MRPS35: variants seen among roughly 807,000 people sequenced by gnomAD.
The protein encoded by MRPS35 is small ribosomal subunit protein mS35.
Under a neutral mutation model 32.7 loss-of-function variants are expected in MRPS35, and 29 were observed. That is an observed-to-expected ratio of 0.89 (90% CI 0.66 to 1.21). The LOEUF (loss-of-function observed/expected upper bound fraction) is 1.21, where lower values mean the gene tolerates loss of function less well. MRPS35 is among the 50% of genes most tolerant of loss of function. The pLI is 0.00. For missense variants in MRPS35, 373 were observed against 383.8 expected (o/e 0.97, Z 0.23); for synonymous variants, 148 against 139.3 (o/e 1.06, Z -0.44).
intron 7 of MRPS35, among the ~76,000 whole-genome samples, chr12:27,749,643 A>G (rs1472174864): frequency 1.3e-5 from 2 of 152,006 alleles, no homozygotes; most frequent in Admixed American, 6.6e-5. Context: ...GGTTTGTGGA[A>G]CCCCTTACTC....
chr12:27,717,748 G>A (rs998652318), intron 3 of MRPS35, among the ~76,000 whole-genome samples: 1 of 152,070 alleles, frequency 6.6e-6, no homozygotes, highest in Admixed American at 6.6e-5. Flanking sequence ...AGAGAGTAGC[G>A]GTATATTTGC....
intron 4 of MRPS35, among the ~76,000 whole-genome samples, chr12:27,721,556 G>A (rs1296615074): frequency 6.6e-6 from 1 of 152,140 alleles, no homozygotes; most frequent in South Asian, 2.1e-4. Flanking sequence ...CTACTCGGGG[G>A]CCTGAGGCAG....
At chr12:27,736,793 A>G (rs985066881) in intron 6 of MRPS35, among the ~76,000 whole-genome samples, 3 of 152,238 alleles carry the variant, frequency 2.0e-5, no homozygotes, top group African/African-American at 2.4e-5. Flanking sequence ...ACAGCATTGT[A>G]TAGTGTAACT....
At chr12:27,738,876 A>C (rs934833367) in intron 7 of MRPS35, among the ~76,000 whole-genome samples, 6 of 152,116 alleles carry the variant, frequency 3.9e-5, no homozygotes, top group Non-Finnish European at 8.8e-5. Context: ...AGGTAGCGAC[A>C]ATAGTAAGAC....
intron 2 of MRPS35, 59 bp from the exon 3 acceptor site, chr12:27,716,232 C>G: frequency 7.2e-7 from 1 of 1,398,290 alleles, no homozygotes; most frequent in Non-Finnish European, 9.5e-7. Context: ...AATTAAAATT[C>G]TTTAAGAATT....
At chr12:27,744,198 G>A (rs998697354) in intron 7 of MRPS35, among the ~76,000 whole-genome samples, 19 of 152,064 alleles carry the variant, frequency 1.2e-4, no homozygotes, top group Non-Finnish European at 2.6e-4. Flanking sequence ...TGTATGTTTT[G>A]TTTTTCTAAC....
chr12:27,722,822 A>G (rs2061882223), intron 4 of MRPS35, among the ~76,000 whole-genome samples: 1 of 152,232 alleles, frequency 6.6e-6, no homozygotes, highest in Non-Finnish European at 1.5e-5. Context: ...TTAGTCCCAG[A>G]TATCAGAGAG....
intron 4 of MRPS35, among the ~76,000 whole-genome samples, chr12:27,722,435 C>CT (rs1342060579): frequency 6.6e-6 from 1 of 151,816 alleles, no homozygotes. Context: ...ATTTGGCTGT[C>CT]TTTTTTTAGA....
chr12:27,722,518 T>A (rs2140759406), intron 4 of MRPS35, among the ~76,000 whole-genome samples: 1 of 152,306 alleles, frequency 6.6e-6, no homozygotes, highest in East Asian at 1.9e-4. Flanking sequence ...TTCACATTTT[T>A]TTTTTTAAGT....
chr12:27,755,358 A>C lies in MRPS35; in HGVS notation c.880A>C (p.Lys294Gln), dbSNP rs2062022355. 6.2e-7 allele frequency: 1 copy of C among 1,608,456 alleles called. No individual in the cohort carries two copies. The highest frequency in any genetic ancestry group is 1.1e-5 in the South Asian group (1 of 88,664). ...LGTKEIEEYKKSVVSLKNEEE... is the reference protein window; with the variant it reads ...LGTKEIEEYKQSVVSLKNEEE... The stretch of plus-strand genomic sequence containing the variant: ...TACTAAAGAAATTGAAGAGTACAAA[A>C]AGTCTGTTGTTAGTCTTAAAAATGA... The change falls in exon 8 of 8, where the codon AAG becomes CAG. Residue 294 changes from lysine (K) to glutamine (Q), a missense_variant. Transcript: ENST00000081029.
At chr12:27,730,594 C>T (rs1025407214) in intron 5 of MRPS35, among the ~76,000 whole-genome samples, 2 of 152,084 alleles carry the variant, frequency 1.3e-5, no homozygotes, top group Non-Finnish European at 2.9e-5. Flanking sequence ...GGACTACAAG[C>T]GCAAGCCACC....
intron 4 of MRPS35, among the ~76,000 whole-genome samples, chr12:27,723,770 T>C (rs894223051): frequency 1.3e-5 from 2 of 152,242 alleles, no homozygotes; most frequent in Admixed American, 1.3e-4. Flanking sequence ...AAGCTTATAA[T>C]AAGCTTCCAT....
intron 7 of MRPS35, among the ~76,000 whole-genome samples, chr12:27,748,204 A>G (rs2061987733): frequency 6.6e-6 from 1 of 152,186 alleles, no homozygotes. Flanking sequence ...GGGGATCACA[A>G]TATTCATCTG....
intron 5 of MRPS35, among the ~76,000 whole-genome samples, chr12:27,732,544 G>A (rs778368235): frequency 6.6e-6 from 1 of 152,066 alleles, no homozygotes; most frequent in Non-Finnish European, 1.5e-5. Flanking sequence ...GTAAACGTAG[G>A]TCAAACAGGT....
At chr12:27,749,680 A>G (rs928978544) in intron 7 of MRPS35, among the ~76,000 whole-genome samples, 15 of 152,190 alleles carry the variant, frequency 9.9e-5, no homozygotes, top group African/African-American at 3.4e-4. Context: ...AATCCTTGGC[A>G]TAGGTACATA....
At chr12:27,754,917 C>T (rs774244343) in intron 7 of MRPS35, among the ~76,000 whole-genome samples, 2 of 151,942 alleles carry the variant, frequency 1.3e-5, no homozygotes, top group African/African-American at 4.8e-5. Flanking sequence ...GATAGAGTAG[C>T]GAGTGGTAAC....
intron 6 of MRPS35, among the ~76,000 whole-genome samples, chr12:27,736,007 A>G (rs1187090423): frequency 6.6e-6 from 1 of 152,262 alleles, no homozygotes; most frequent in African/African-American, 2.4e-5. Flanking sequence ...GATGTTTATA[A>G]AGGCAATATT....
At chr12:27,715,900 C>T in intron 2 of MRPS35, among the ~76,000 whole-genome samples, 1 of 152,118 alleles carries the variant, frequency 6.6e-6, no homozygotes, top group East Asian at 1.9e-4. Flanking sequence ...CTTTTTACTT[C>T]CAAGTACTTA....
At chr12:27,711,328 C>A (rs1030033034) in intron 1 of MRPS35, among the ~76,000 whole-genome samples, 2 of 152,206 alleles carry the variant, frequency 1.3e-5, no homozygotes, top group African/African-American at 2.4e-5. Context: ...GAGAGTCATA[C>A]GGCTGTGCTA....
Sources: allele counts gnomAD v4.1 joint callset (sites outside exome capture counted in the v4.1 genomes callset), GRCh38; gene constraint gnomAD v4.1.1; transcripts MANE v1.5; gene names NCBI Gene and HGNC (gene_info 2026-07-23, HGNC 2026-07-21).